The following TNNT2 variants were observed in gnomAD, a reference collection of about 807,000 sequenced individuals.
TNNT2 encodes troponin T, cardiac muscle.
In TNNT2, 34 loss-of-function variants were observed where a neutral mutation model predicts 62.4. The observed-to-expected ratio is 0.54, with a 90% CI of 0.41 to 0.72. The LOEUF (loss-of-function observed/expected upper bound fraction) is 0.72. Ranked by LOEUF, TNNT2 falls within the 30% of genes least tolerant of loss-of-function variation. The pLI is 0.00. For synonymous variants in TNNT2, 123 were observed against 127.2 expected, an observed-to-expected ratio of 0.97 and a Z score of 0.22; for missense variants, 275 against 381.9, an observed-to-expected ratio of 0.72 and a Z score of 2.33.
chr1:201,361,541 A>G (rs987761269), intron 14 of TNNT2, among the ~76,000 whole-genome samples, 172 bp from the exon 15 acceptor site: 8 of 152,246 alleles, frequency 5.3e-5, no homozygotes, highest in African/African-American at 1.9e-4. Flanking sequence ...ACCAGACGGC[A>G]GCACCCAGTG....
Position 201,359,383 on chromosome 1 carries a change from G to A in TNNT2, c.852-128C>T, listed in dbSNP as rs979567165. 13 of 1,217,746 alleles carry A rather than the reference G, an allele frequency of 1.1e-5. No individual in the cohort carries two copies. In the African/African-American group the frequency reaches 1.9e-4, roughly 18 times the overall value. 75.4% of individuals were successfully genotyped at this position (1,217,746 alleles called of 1,614,324 possible). ...TGGAGCTGCCTCCAGGGGCAGAATA[G>A]GACAGCAGCCTGAGGCTGGAGGGAA... is the stretch of plus-strand genomic sequence containing the variant. On this transcript the variant is annotated intron_variant, in intron 16 of 16. Coordinates refer to ENST00000656932, the MANE Select transcript of TNNT2 (RefSeq NM_001276345.2).
In TNNT2 at chr1:201,363,282, T is replaced by A. The variant is rs772929849; in HGVS notation, c.600+14A>T. On this transcript the variant is annotated intron_variant, in intron 12 of 16. Transcript: ENST00000656932. The stretch of plus-strand genomic sequence containing the variant: ...ACTAGGATCTCCTGGCAACCCCTGC[T>A]GCTCCCTACCTACCTTCTGGATGTA... 31 of 1,613,942 alleles carry A rather than the reference T, an allele frequency of 1.9e-5. No homozygotes were observed. In the East Asian group the frequency reaches 6.0e-4, roughly 31 times the overall value.
Position 201,365,684 on chromosome 1 carries a change from G to A in TNNT2, c.234-14C>T. 1.2e-6 allele frequency: 2 copies of A among 1,613,496 alleles called. No homozygotes were observed. The highest frequency in any genetic ancestry group is 1.7e-6 in the Non-Finnish European group (2 of 1,179,808). Reference sequence around the variant, plus strand: ...GGCATGAACGACCTGTTGGAGAGAGGAATAGTCAGCATCAGCCCCATTCTG... The same window carrying A: ...GGCATGAACGACCTGTTGGAGAGAGAAATAGTCAGCATCAGCCCCATTCTG... On this transcript the variant is annotated splice_polypyrimidine_tract_variant and intron_variant, in intron 8 of 16. Coordinates refer to ENST00000656932, the MANE Select transcript of TNNT2 (RefSeq NM_001276345.2).
chr1:201,376,038 T>G (rs1661353359), intron 1 of TNNT2, among the ~76,000 whole-genome samples: 1 of 152,156 alleles, frequency 6.6e-6, no homozygotes, highest in African/African-American at 2.4e-5. Flanking sequence ...GGGCTGAGAC[T>G]GGGGGCTGCA....
At position 201,359,382 on chromosome 1, in the gene TNNT2, A is replaced by G; in HGVS notation, c.852-127T>C. On this transcript the variant is annotated intron_variant, in intron 16 of 16. Transcript: ENST00000656932. ...CTGGAGCTGCCTCCAGGGGCAGAATAGGACAGCAGCCTGAGGCTGGAGGGA... is the reference window on the plus strand; with the variant it reads ...CTGGAGCTGCCTCCAGGGGCAGAATGGGACAGCAGCCTGAGGCTGGAGGGA... 2.5e-6 allele frequency: 3 copies of G among 1,220,520 alleles called. No individual in the cohort carries two copies. In the South Asian group the frequency reaches 3.9e-5, roughly 16 times the overall value. The allele number at this position is 1,220,520 out of a possible 1,614,324, so 75.6% of individuals were successfully genotyped here.
chr1:201,370,546 A>G (rs1021086275), intron 4 of TNNT2, among the ~76,000 whole-genome samples: 1 of 152,230 alleles, frequency 6.6e-6, no homozygotes, highest in African/African-American at 2.4e-5. Flanking sequence ...CTCTCCTGGA[A>G]GAAGGACACC....
chr1:201,376,326 C>T (rs184419761), intron 1 of TNNT2, among the ~76,000 whole-genome samples: 9 of 152,300 alleles, frequency 5.9e-5, no homozygotes, highest in Non-Finnish European at 1.3e-4. Flanking sequence ...GTCACCTAGC[C>T]TCTCTGACTT....
chr1:201,371,971 T>G (rs1220241871), intron 4 of TNNT2, 56 bp downstream of exon 4: 6 of 1,612,598 alleles, frequency 3.7e-6, no homozygotes, highest in Admixed American at 1.7e-5. Context: ...GCTCCCAGGA[T>G]TTCCACATTG....
chr1:201,366,910 C>T, intron 7 of TNNT2, 39 bp from the exon 8 acceptor site: 2 of 1,614,010 alleles, frequency 1.2e-6, no homozygotes, highest in Non-Finnish European at 1.7e-6. Flanking sequence ...GGTCAGGGGG[C>T]CCCAGAAGTG....
Position 201,365,291 on chromosome 1 carries a change from C to T in TNNT2, c.311G>A (p.Arg104His), listed in dbSNP as rs397516457. ...RVDFDDIHRK[R>H]MEKDLNELQA... ...CAACTCATTCAGGTCCTTCTCCATG[C>T]GCTTCCGGTGGATGTCCTGTGGGTG... Residue 104 changes from arginine (R) to histidine (H), a missense_variant, in exon 10 of 17, where the codon CGC becomes CAC. Transcript: ENST00000656932. 1.2e-6 allele frequency: 2 copies of T among 1,614,060 alleles called. No individual in the cohort carries two copies. Among genetic ancestry groups the T allele is most frequent in the Non-Finnish European group, 8.5e-7 (1 of 1,179,936 alleles).
At position 201,359,900 on chromosome 1, in the gene TNNT2, G is replaced by A. The variant is rs568364040; in HGVS notation, c.811-237C>T. Among the ~76,000 whole-genome samples, 14 of 152,272 alleles carry A rather than the reference G, an allele frequency of 9.2e-5. No individual in the cohort carries two copies. The East Asian group carries it at 2.1e-3, about 23-fold the overall frequency. ...TGGGCCTCCCACTGTGGGGTCCCAG[G>A]GCCATAATAGGTTCAGGATATGAGA... On this transcript the variant is annotated intron_variant, in intron 15 of 16. Transcript: ENST00000656932.
intron 1 of TNNT2, among the ~76,000 whole-genome samples, chr1:201,376,940 T>G (rs1232265881): frequency 6.6e-6 from 1 of 152,210 alleles, no homozygotes; most frequent in Middle Eastern, 3.2e-3. Context: ...GCCCCCCAAG[T>G]GCAGCTCAGC....
chr1:201,377,514 T>C (rs1004480518), intron 1 of TNNT2, 109 bp downstream of exon 1: 81 of 456,048 alleles, frequency 1.8e-4, no homozygotes, highest in Middle Eastern at 3.2e-4. Flanking sequence ...GGCCATGGAC[T>C]TCTGCGGACA....
chr1:201,377,099 C>T (rs1023055434), intron 1 of TNNT2, among the ~76,000 whole-genome samples: 3 of 152,198 alleles, frequency 2.0e-5, no homozygotes, highest in African/African-American at 7.2e-5. Flanking sequence ...TTTCTGAGTT[C>T]CTAGCCTTGA....
chr1:201,364,849 G>C (rs76708658), intron 10 of TNNT2, among the ~76,000 whole-genome samples: 1 of 152,194 alleles, frequency 6.6e-6, no homozygotes, highest in African/African-American at 2.4e-5. Context: ...CTTCATCTGC[G>C]GGGGAAGAGG....
intron 5 of TNNT2, chr1:201,369,465 G>T (rs1660249688): frequency 4.1e-6 from 2 of 488,914 alleles, no homozygotes; most frequent in East Asian, 6.2e-5. Flanking sequence ...TGGAACACTG[G>T]GGTGTGCGCG....
In TNNT2 at chr1:201,361,888, C is replaced by T. The variant is rs758126648; in HGVS notation, c.719+25G>A. On this transcript the variant is annotated intron_variant, in intron 14 of 16. Transcript: ENST00000656932. Reference sequence around the variant, plus strand: ...CCCAGAGCAGATGCGGGCAGTGCCCCAGGACCATTCCTCCCAGCCCCCACC... The same window carrying T: ...CCCAGAGCAGATGCGGGCAGTGCCCTAGGACCATTCCTCCCAGCCCCCACC... 3.1e-6 allele frequency: 5 copies of T among 1,606,224 alleles called. No homozygotes were observed. In the African/African-American group the frequency reaches 6.7e-5, roughly 21 times the overall value.
At chr1:201,377,497 C>G (rs906858297) in intron 1 of TNNT2, 126 bp downstream of exon 1, 13 of 455,428 alleles carry the variant, frequency 2.9e-5, no homozygotes, top group African/African-American at 2.6e-4. Flanking sequence ...TGGCCTCCAC[C>G]AGGAGGGGCC....
In TNNT2 at chr1:201,361,964, G is replaced by A; in HGVS notation, c.668C>T (p.Ala223Val). 6.2e-7 allele frequency: 1 copy of A among 1,614,178 alleles called. No homozygotes were observed. Residue 223 changes from alanine to valine, a missense_variant, in exon 14 of 17, where the codon GCT becomes GTT. Physicochemically the swap from Ala to Val is moderately conservative, Grantham distance 64. Coordinates refer to ENST00000656932, the MANE Select transcript of TNNT2 (RefSeq NM_001276345.2). ...AATGGCCAGCACCTTCCTCCTCTCA[G>A]CCAGAATCTTCTTCTTCTTTTCCCG... ...TEREKKKKIL[A>V]ERRKVLAIDH...
Sources: allele counts gnomAD v4.1 joint callset (sites outside exome capture counted in the v4.1 genomes callset), GRCh38; gene constraint gnomAD v4.1.1; transcripts MANE v1.5; gene names NCBI Gene and HGNC (gene_info 2026-07-23, HGNC 2026-07-21).